PEX1: variants seen among roughly 807,000 people sequenced by gnomAD.
PEX1 encodes peroxisomal biogenesis factor 1, also known as peroxisomal ATPase PEX1.
Under a neutral mutation model 152.5 loss-of-function variants are expected in PEX1, and 97 were observed. That is an observed-to-expected ratio of 0.64 (90% CI 0.54 to 0.75). The LOEUF is 0.75. PEX1 is among the 30% of genes least tolerant of loss of function. The pLI, the probability that PEX1 is intolerant of heterozygous loss-of-function variation, is 0.00. For synonymous variants in PEX1, 485 were observed against 531.6 expected, an observed-to-expected ratio of 0.91 and a Z score of 1.21; for missense variants, 1,357 against 1,516.3, an observed-to-expected ratio of 0.89 and a Z score of 1.74.
Position 92,518,155 on chromosome 7 carries a change from A to G in PEX1, c.458T>C (p.Ile153Thr), listed in dbSNP as rs760942926. Reference protein sequence around the residue: ...FPVWVDQQTYIFIQIVALIPA... With the variant: ...FPVWVDQQTYTFIQIVALIPA... ...ATAGCACCTACCAATTTGGATAAAT[A>G]TGTACGTTTGTTGATCAACCCAAAC... Residue 153 changes from isoleucine (I) to threonine (T), a missense_variant, in exon 4 of 24, where the codon ATA (isoleucine) becomes ACA (threonine). By Grantham distance (89) the Ile-to-Thr change is moderately conservative (BLOSUM62 -1). Coordinates refer to ENST00000248633, the MANE Select transcript of PEX1 (RefSeq NM_000466.3). 1 of 1,610,762 alleles carries G rather than the reference A, an allele frequency of 6.2e-7. No homozygotes were observed. Among genetic ancestry groups the G allele is most frequent in the Non-Finnish European group, 8.5e-7 (1 of 1,177,078 alleles).
intron 5 of PEX1, among the ~76,000 whole-genome samples, chr7:92,516,419 T>A (rs1327664412): frequency 6.7e-6 from 1 of 149,814 alleles, no homozygotes; most frequent in Admixed American, 6.7e-5. Context: ...AGAGTGAAAC[T>A]CCATCTTGTG....
intron 20 of PEX1, among the ~76,000 whole-genome samples, chr7:92,492,442 C>T (rs906022789): frequency 2.6e-5 from 4 of 152,196 alleles, no homozygotes; most frequent in African/African-American, 9.7e-5. Flanking sequence ...GCTGGGATTA[C>T]AGGCGTGAAC....
At chr7:92,496,582 C>T in intron 17 of PEX1, 131 bp downstream of exon 17, 2 of 747,244 alleles carry the variant, frequency 2.7e-6, no homozygotes, top group Non-Finnish European at 4.9e-6. Context: ...TCCACGTCCT[C>T]TAGCTTATTA....
intron 5 of PEX1, 124 bp downstream of exon 5, chr7:92,517,152 C>A (rs1387669005): frequency 2.5e-6 from 2 of 788,496 alleles, no homozygotes; most frequent in East Asian, 2.6e-5. Context: ...CCCCCAAGTG[C>A]CTTTAGGCAC....
At position 92,494,502 on chromosome 7, in the gene PEX1, CTCCA is replaced by C; in HGVS notation, c.2907_2910del (p.Asp969GlufsTer2). On this transcript the variant is annotated frameshift_variant, in exon 18 of 24. Coordinates refer to ENST00000248633, the MANE Select transcript of PEX1 (RefSeq NM_000466.3). LOFTEE classifies it high-confidence loss of function. The stretch of plus-strand genomic sequence containing the variant: ...TAATTATTACCCTGTAAGCCTTCTA[CTCCA>C]TCCAACTGAGTCAGCAACTGGTTAA... 2 of 1,613,794 alleles carry C rather than the reference CTCCA, an allele frequency of 1.2e-6. No homozygotes were observed. Among genetic ancestry groups the C allele is most frequent in the African/African-American group, 1.3e-5 (1 of 75,038 alleles).
At chr7:92,519,842 T>C (rs1427266455) in intron 2 of PEX1, among the ~76,000 whole-genome samples, 1 of 152,168 alleles carries the variant, frequency 6.6e-6, no homozygotes, top group Non-Finnish European at 1.5e-5. Flanking sequence ...TCCCCTTCCA[T>C]AGGCATTTCC....
chr7:92,516,113 T>A (rs1792772775), intron 5 of PEX1, among the ~76,000 whole-genome samples: 3 of 132,866 alleles, frequency 2.3e-5, no homozygotes, highest in African/African-American at 2.9e-5. Context: ...AAGAAAAGAA[T>A]GGTCTGGAGC....
rs267608177 is a variant in PEX1, at chr7:92,504,731, C to A, written c.2071+1G>T. Reference sequence around the variant, plus strand: ...CTTAAGCCAGTGGTGGATGCATTTACCATGAGCAAGCCGCTGGCTCTGCAC... The same window carrying A: ...CTTAAGCCAGTGGTGGATGCATTTAACATGAGCAAGCCGCTGGCTCTGCAC... On this transcript the variant is annotated splice_donor_variant, in intron 12 of 23. Coordinates refer to ENST00000248633, the MANE Select transcript of PEX1 (RefSeq NM_000466.3). LOFTEE classifies it high-confidence loss of function. 8 of 1,613,766 alleles carry A rather than the reference C, an allele frequency of 5.0e-6. No homozygotes were observed. Among genetic ancestry groups the A allele is most frequent in the Non-Finnish European group, 6.8e-6 (8 of 1,179,952 alleles).
chr7:92,503,402 A>C (rs888850706), intron 12 of PEX1, among the ~76,000 whole-genome samples: 5 of 152,180 alleles, frequency 3.3e-5, no homozygotes, highest in Non-Finnish European at 7.3e-5. Flanking sequence ...ATGGAGACAC[A>C]AGAGGTACTG....
At chr7:92,491,977 CA>C (rs1472106394) in intron 20 of PEX1, among the ~76,000 whole-genome samples, 1 of 152,092 alleles carries the variant, frequency 6.6e-6, no homozygotes, top group Admixed American at 6.5e-5. Flanking sequence ...GTAGACATTC[CA>C]AACAAATGTG....
intron 23 of PEX1, 119 bp downstream of exon 23, chr7:92,489,174 G>C: frequency 1.1e-6 from 1 of 944,284 alleles, no homozygotes; most frequent in Non-Finnish European, 1.6e-6. Context: ...CATATTTTTT[G>C]AATTAGCTTT....
chr7:92,495,292 C>T (rs1431653343), intron 17 of PEX1, among the ~76,000 whole-genome samples: 1 of 151,988 alleles, frequency 6.6e-6, no homozygotes, highest in African/African-American at 2.4e-5. Flanking sequence ...GCGAATAACA[C>T]CTAATATAAA....
intron 2 of PEX1, among the ~76,000 whole-genome samples, chr7:92,520,074 G>C (rs1191514627): frequency 1.3e-5 from 2 of 151,768 alleles, no homozygotes; most frequent in Non-Finnish European, 2.9e-5. Context: ...CAGTTTCTTA[G>C]TGGCATTGCT....
intron 16 of PEX1, among the ~76,000 whole-genome samples, chr7:92,498,375 C>T (rs376265212): frequency 2.6e-4 from 39 of 151,996 alleles, no homozygotes; most frequent in African/African-American, 8.4e-4. Context: ...ATCCCAGCTA[C>T]TCGGGAGGCT....
intron 16 of PEX1, 71 bp from the exon 17 acceptor site, chr7:92,496,848 C>T: frequency 1.1e-6 from 1 of 916,984 alleles, no homozygotes; most frequent in Non-Finnish European, 1.8e-6. Context: ...CTGACTAAGT[C>T]TAAATGAATC....
chr7:92,517,661 T>A lies in PEX1; in HGVS notation c.854A>T (p.Asn285Ile). ...NMQSKVVPLDNIFRVCKSQPP... is the reference protein window; with the variant it reads ...NMQSKVVPLDIIFRVCKSQPP... ...TTGAGATTTGCATACTCTGAAAATA[T>A]TGTCTAGAGGAACAACCTTTGACTG... Residue 285 changes from asparagine to isoleucine, a missense_variant, in exon 5 of 24, where the codon AAT (asparagine) becomes ATT (isoleucine). Coordinates refer to ENST00000248633, the MANE Select transcript of PEX1 (RefSeq NM_000466.3). 6.2e-7 allele frequency: 1 copy of A among 1,614,022 alleles called. No individual in the cohort carries two copies. The highest frequency in any genetic ancestry group is 1.7e-5 in the Admixed American group (1 of 60,024).
chr7:92,518,361 A>T, intron 3 of PEX1, 106 bp from the exon 4 acceptor site: 1 of 730,524 alleles, frequency 1.4e-6, no homozygotes, highest in East Asian at 2.7e-5. Context: ...TTTAATGTGC[A>T]TATTTAATAT....
Position 92,522,115 on chromosome 7 carries a change from G to C in PEX1, c.260C>G (p.Ser87Ter). 1 of 1,614,012 alleles carries C rather than the reference G, an allele frequency of 6.2e-7. No individual in the cohort carries two copies. The highest frequency in any genetic ancestry group is 2.2e-5 in the East Asian group (1 of 44,866). The change falls in exon 2 of 24, where the codon TCA (serine) becomes TGA (stop). Residue 87 changes from serine (S) to a stop codon, truncating the protein, a stop_gained. Coordinates refer to ENST00000248633, the MANE Select transcript of PEX1 (RefSeq NM_000466.3). LOFTEE classifies it high-confidence loss of function. ...NRQVGQKLGL[S>*]NGGQVFLKPC... ...ACATGTGCTTACCTGTCCCCCATTT[G>C]AGAGTCCAAGTTTTTGACCAACTTG...
At chr7:92,525,655 A>T (rs1793232885) in intron 1 of PEX1, among the ~76,000 whole-genome samples, 1 of 152,242 alleles carries the variant, frequency 6.6e-6, no homozygotes, top group Non-Finnish European at 1.5e-5. Context: ...TAAAATGTAC[A>T]GGAGAGCCCC....
Sources: allele counts gnomAD v4.1 joint callset (sites outside exome capture counted in the v4.1 genomes callset), GRCh38; gene constraint gnomAD v4.1.1; transcripts MANE v1.5; gene names NCBI Gene and HGNC (gene_info 2026-07-23, HGNC 2026-07-21).